Variants in P2RX5 observed in about 807,000 individuals in gnomAD.
The protein encoded by P2RX5 is P2X purinoceptor 5.
Under a neutral mutation model 54.1 loss-of-function variants are expected in P2RX5, and 46 were observed. The observed-to-expected ratio is 0.85, with a 90% CI of 0.67 to 1.09. The LOEUF is 1.09. P2RX5 is among the 50% of genes least tolerant of loss of function. The pLI, the probability that P2RX5 is intolerant of heterozygous loss-of-function variation, is 0.00. For missense variants in P2RX5, 566 were observed against 549.8 expected, an observed-to-expected ratio of 1.03 and a Z score of -0.29; for synonymous variants, 226 against 226.4, an observed-to-expected ratio of 1.00 and a Z score of 0.02.
At chr17:3,711,338 G>T in the P2RX5 span, among the ~76,000 whole-genome samples, 2 of 142,422 alleles carry the variant, frequency 1.4e-5, no homozygotes, top group African/African-American at 5.4e-5. Context: ...ACGAGAAAAG[G>T]TTACTCCACA....
the P2RX5 span, among the ~76,000 whole-genome samples, chr17:3,712,258 G>A: frequency 6.6e-6 from 1 of 152,184 alleles, no homozygotes; most frequent in African/African-American, 2.4e-5. Context: ...TCAAGTGACC[G>A]ATAGCACAGA....
chr17:3,702,200 A>G, the P2RX5 span, among the ~76,000 whole-genome samples: 2 of 152,058 alleles, frequency 1.3e-5, no homozygotes, highest in African/African-American at 4.8e-5. Context: ...AAATGCACCA[A>G]TCAGCACTGT....
chr17:3,679,171 G>A (rs765191719), intron 11 of P2RX5, among the ~76,000 whole-genome samples: 1 of 152,206 alleles, frequency 6.6e-6, no homozygotes, highest in Non-Finnish European at 1.5e-5. Context: ...TTCACCGGCT[G>A]TGTGACTTGA....
chr17:3,717,215 A>T, the P2RX5 span: 1 of 163,908 alleles, frequency 6.1e-6, no homozygotes. Flanking sequence ...ATGATCTCCA[A>T]GTCCTTTCCA....
chr17:3,673,971 G>T, intron 11 of P2RX5, 94 bp from the exon 12 acceptor site: 1 of 1,172,648 alleles, frequency 8.5e-7, no homozygotes, highest in Non-Finnish European at 1.2e-6. Flanking sequence ...GCCTTCCCAA[G>T]TCTGAAAAGA....
chr17:3,701,386 T>C, the P2RX5 span, among the ~76,000 whole-genome samples: 3 of 152,228 alleles, frequency 2.0e-5, no homozygotes, highest in African/African-American at 7.2e-5. Flanking sequence ...AGTGAAGTGA[T>C]GAGAACTATA....
the P2RX5 span, among the ~76,000 whole-genome samples, chr17:3,702,430 A>G: frequency 3.3e-5 from 5 of 152,160 alleles, no homozygotes; most frequent in Non-Finnish European, 7.4e-5. Context: ...GGGGCCAAAT[A>G]ATGGAATAAA....
chr17:3,681,008 C>T (rs1955935149), intron 10 of P2RX5, among the ~76,000 whole-genome samples: 1 of 150,546 alleles, frequency 6.6e-6, no homozygotes, highest in African/African-American at 2.5e-5. Context: ...CCTGCATCCT[C>T]CACCCTGCAT....
the P2RX5 span, among the ~76,000 whole-genome samples, chr17:3,710,788 C>T: frequency 1.5e-3 from 217 of 149,402 alleles, no homozygotes; most frequent in African/African-American, 5.1e-3. Context: ...GTTAGTTGGG[C>T]GTGGCGGCAT....
At chr17:3,708,280 A>ATGG in the P2RX5 span, among the ~76,000 whole-genome samples, 1 of 152,222 alleles carries the variant, frequency 6.6e-6, no homozygotes, top group Non-Finnish European at 1.5e-5. Flanking sequence ...TGGAGAGCAC[A>ATGG]TGGCTCTCTA....
At chr17:3,723,189 G>A in the P2RX5 span, 1 of 855,204 alleles carries the variant, frequency 1.2e-6, no homozygotes, top group Non-Finnish European at 2.0e-6. Flanking sequence ...GATCTATTTT[G>A]GACATGGACA....
the P2RX5 span, among the ~76,000 whole-genome samples, chr17:3,707,833 T>G: frequency 6.6e-6 from 1 of 151,784 alleles, no homozygotes; most frequent in South Asian, 2.1e-4. Context: ...CCGAGGCAGG[T>G]GGATCACGAG....
rs371288336 is a variant in P2RX5 at position 3,673,859 on chromosome 17, A to G, written c.*9T>C. The stretch of plus-strand genomic sequence containing the variant: ...TTTAGGACAGGGCCTGAACGTAAGC[A>G]GAGGCAATTCACGTGCTCCTGGAAT... On this transcript the variant is annotated 3_prime_UTR_variant, in exon 12 of 12. Transcript: ENST00000225328. 2 of 1,613,078 alleles carry G rather than the reference A, an allele frequency of 1.2e-6. No homozygotes were observed. The highest frequency in any genetic ancestry group is 2.7e-5 in the African/African-American group (2 of 74,904).
At chr17:3,719,554 C>G in the P2RX5 span, among the ~76,000 whole-genome samples, 1 of 152,164 alleles carries the variant, frequency 6.6e-6, no homozygotes, top group African/African-American at 2.4e-5. Flanking sequence ...AGTCTGACTT[C>G]TAGTCATACT....
At chr17:3,723,487 G>A in the P2RX5 span, 2 of 1,021,394 alleles carry the variant, frequency 2.0e-6, no homozygotes, top group South Asian at 2.6e-5. Flanking sequence ...AGAATAGAGG[G>A]TGTGAGCAAT....
Position 3,688,659 on chromosome 17 carries a change from A to T in P2RX5, c.854T>A (p.Leu285His). 2 of 1,614,132 alleles carry T rather than the reference A, an allele frequency of 1.2e-6. No individual in the cohort carries two copies. Among genetic ancestry groups the T allele is most frequent in the Non-Finnish European group, 1.7e-6 (2 of 1,180,014 alleles). ...HYSFSRLDNKLSKSVSSGYNF... is the reference protein window; with the variant it reads ...HYSFSRLDNKHSKSVSSGYNF... ...GTACCCGGAGGAGACAGACTTTGAA[A>T]GTTTATTGTCCAGACGGCTAAAAGA... Residue 285 changes from leucine to histidine, a missense_variant, in exon 8 of 12, where the codon CTT becomes CAT. By Grantham distance (99) the Leu-to-His change is moderately conservative. Coordinates refer to ENST00000225328, the MANE Select transcript of P2RX5 (RefSeq NM_002561.4).
chr17:3,697,336 G>A (rs1303291617), upstream of P2RX5, among the ~76,000 whole-genome samples: 1 of 151,014 alleles, frequency 6.6e-6, no homozygotes, highest in Non-Finnish European at 1.5e-5. Flanking sequence ...AGTGGGATGA[G>A]GGAGGGCCTC....
chr17:3,720,261 G>C, the P2RX5 span: 1 of 895,986 alleles, frequency 1.1e-6, no homozygotes, highest in South Asian at 1.3e-5. Flanking sequence ...TCAAAGGTTA[G>C]GCACAATTTT....
At chr17:3,722,636 G>A in the P2RX5 span, 3 of 153,700 alleles carry the variant, frequency 2.0e-5, no homozygotes, top group African/African-American at 7.2e-5. Flanking sequence ...TAGAAGAATA[G>A]GACAGAATAA....
Sources: allele counts gnomAD v4.1 joint callset (sites outside exome capture counted in the v4.1 genomes callset), GRCh38; gene constraint gnomAD v4.1.1; transcripts MANE v1.5; gene names NCBI Gene and HGNC (gene_info 2026-07-23, HGNC 2026-07-21).